Variants in INPP4B observed in about 807,000 individuals in gnomAD.
The protein encoded by INPP4B is inositol polyphosphate 4-phosphatase type II.
A neutral mutation model predicts 122.5 loss-of-function variants in INPP4B; 55 were observed. The observed-to-expected ratio is 0.45, with a 90% confidence interval of 0.36 to 0.56. The LOEUF is 0.56. INPP4B is among the 20% of genes least tolerant of loss of function. INPP4B has a pLI of 0.00. For missense variants in INPP4B, 1,000 were observed against 1,097.7 expected (o/e 0.91, Z 1.26); for synonymous variants, 403 against 388.7 (o/e 1.04, Z -0.43).
chr4:142,221,327 G>T (rs1849267016), intron 12 of INPP4B, among the ~76,000 whole-genome samples: 1 of 143,404 alleles, frequency 7.0e-6, no homozygotes, highest in Non-Finnish European at 1.5e-5. Flanking sequence ...GTGAACCCGG[G>T]AGTAGTGAGC....
At chr4:142,657,144 G>A (rs1392040740) in intron 2 of INPP4B, among the ~76,000 whole-genome samples, 3 of 152,110 alleles carry the variant, frequency 2.0e-5, no homozygotes, top group African/African-American at 4.8e-5. Context: ...TGTGATATCT[G>A]TAAAAAGAGC....
At chr4:142,402,796 A>C in intron 7 of INPP4B, 142 bp downstream of exon 7, 1 of 604,674 alleles carries the variant, frequency 1.7e-6, no homozygotes. Context: ...ATATTTGGGA[A>C]AAAAACAACA....
chr4:142,700,569 CA>C (rs1761610738), intron 2 of INPP4B, among the ~76,000 whole-genome samples: 1 of 152,074 alleles, frequency 6.6e-6, no homozygotes, highest in Non-Finnish European at 1.5e-5. Flanking sequence ...CCCTTCATTC[CA>C]TCTTTTGGGA....
At chr4:142,649,235 A>G (rs1752433438) in intron 2 of INPP4B, among the ~76,000 whole-genome samples, 1 of 152,252 alleles carries the variant, frequency 6.6e-6, no homozygotes, top group Admixed American at 6.5e-5. Flanking sequence ...ATCAAAGACC[A>G]AAGGTAGATA....
chr4:142,024,933 CA>C lies in INPP4B; in HGVS notation c.*3848del, dbSNP rs1481644102. ...TTAATTATGAATAAAATATAGTCAT[CA>C]AATATGACTTTTAACCTAATAGGAG... On this transcript the variant is annotated 3_prime_UTR_variant, in exon 26 of 26. Transcript: ENST00000262992. 1.3e-5 allele frequency: 2 copies of C among 151,974 alleles called. No individual in the cohort carries two copies. Among genetic ancestry groups the C allele is most frequent in the African/African-American group, 4.8e-5 (2 of 41,390 alleles). The allele number at this position is 151,974 out of a possible 1,614,324, so 9.4% of individuals were successfully genotyped here.
chr4:142,548,837 T>G (rs1176701290), intron 2 of INPP4B, among the ~76,000 whole-genome samples: 3 of 152,086 alleles, frequency 2.0e-5, no homozygotes, highest in Non-Finnish European at 2.9e-5. Flanking sequence ...TGTATTAAAT[T>G]TTATAAGGCT....
chr4:142,332,620 C>T (rs930348805), intron 7 of INPP4B, among the ~76,000 whole-genome samples: 6 of 151,836 alleles, frequency 4.0e-5, no homozygotes, highest in African/African-American at 1.2e-4. Context: ...GTTAAGAAAA[C>T]TGAGGCTATT....
At chr4:142,777,729 G>GGGA (rs1248699696) in intron 1 of INPP4B, among the ~76,000 whole-genome samples, 4 of 152,174 alleles carry the variant, frequency 2.6e-5, no homozygotes, top group African/African-American at 9.6e-5. Context: ...CTTCTTCTGA[G>GGGA]GGAGCCACAT....
intron 2 of INPP4B, among the ~76,000 whole-genome samples, chr4:142,493,011 C>T (rs1822076719): frequency 1.3e-5 from 2 of 152,184 alleles, no homozygotes; most frequent in African/African-American, 4.8e-5. Context: ...GCCCTATATC[C>T]CAGCTGCTTC....
chr4:142,220,317 T>C (rs2149691224), intron 12 of INPP4B, among the ~76,000 whole-genome samples: 1 of 152,366 alleles, frequency 6.6e-6, no homozygotes, highest in Non-Finnish European at 1.5e-5. Flanking sequence ...CAGAGCCGGT[T>C]GAAATATTTT....
At chr4:142,564,877 T>G (rs533441417) in intron 2 of INPP4B, among the ~76,000 whole-genome samples, 3 of 152,242 alleles carry the variant, frequency 2.0e-5, no homozygotes, top group Admixed American at 2.0e-4. Flanking sequence ...TTTTCTTAAA[T>G]CAGTCTCTGG....
At chr4:142,785,216 T>C (rs908704034) in intron 1 of INPP4B, among the ~76,000 whole-genome samples, 1 of 152,092 alleles carries the variant, frequency 6.6e-6, no homozygotes, top group Non-Finnish European at 1.5e-5. Context: ...CTAAGTTCCT[T>C]GTCAGAAAAA....
chr4:142,745,479 G>A (rs1470867195), intron 1 of INPP4B, among the ~76,000 whole-genome samples: 1 of 151,798 alleles, frequency 6.6e-6, no homozygotes, highest in Non-Finnish European at 1.5e-5. Flanking sequence ...TTCTATAAAT[G>A]CTTTTATGCT....
intron 15 of INPP4B, among the ~76,000 whole-genome samples, chr4:142,181,854 A>G (rs1830927871): frequency 6.6e-6 from 1 of 152,226 alleles, no homozygotes; most frequent in African/African-American, 2.4e-5. Flanking sequence ...GATTTTAGGC[A>G]GATTAATATA....
intron 22 of INPP4B, among the ~76,000 whole-genome samples, chr4:142,109,173 A>G (rs1788756779): frequency 6.7e-6 from 1 of 150,204 alleles, no homozygotes; most frequent in Non-Finnish European, 1.5e-5. Flanking sequence ...GTCATTATAT[A>G]TTAAGATATT....
At chr4:142,615,183 G>A (rs894018193) in intron 2 of INPP4B, among the ~76,000 whole-genome samples, 10 of 152,048 alleles carry the variant, frequency 6.6e-5, no homozygotes, top group African/African-American at 1.9e-4. Flanking sequence ...ACTATGTACC[G>A]AGGAACACAA....
intron 1 of INPP4B, chr4:142,765,873 T>G (rs1010057968): frequency 2.0e-5 from 3 of 151,492 alleles, no homozygotes; most frequent in Non-Finnish European, 4.4e-5. Flanking sequence ...TACAGAACAA[T>G]GTAAGTCAAT....
At chr4:142,087,017 A>T (rs1777185386) in intron 23 of INPP4B, among the ~76,000 whole-genome samples, 1 of 152,234 alleles carries the variant, frequency 6.6e-6, no homozygotes, top group African/African-American at 2.4e-5. Flanking sequence ...CAGTTGCTAT[A>T]CAGCAAGTGT....
At chr4:142,261,736 C>T (rs574156819) in intron 10 of INPP4B, among the ~76,000 whole-genome samples, 14 of 152,224 alleles carry the variant, frequency 9.2e-5, no homozygotes, top group African/African-American at 3.1e-4. Context: ...GGAATGTATA[C>T]GTTCCTCAAA....
Sources: gnomAD v4.1 joint callset for allele counts (sites outside exome capture counted in the v4.1 genomes callset) on GRCh38, gnomAD v4.1.1 for gene constraint, MANE v1.5 for transcripts, NCBI Gene and HGNC (gene_info 2026-07-23, HGNC 2026-07-21) for gene names.